HACE1: variants seen among roughly 807,000 people sequenced by gnomAD.
The protein encoded by HACE1 is E3 ubiquitin-protein ligase HACE1.
Under a neutral mutation model 118.4 loss-of-function variants are expected in HACE1, and 73 were observed. The observed-to-expected ratio is 0.62, with a 90% confidence interval of 0.51 to 0.75. HACE1 has a LOEUF of 0.75. Among genes scored for constraint, HACE1 ranks in the 30% least tolerant of loss-of-function variants. The pLI, the probability that HACE1 is intolerant of heterozygous loss-of-function variation, is 0.00. For synonymous variants in HACE1, 368 were observed against 374.8 expected, an observed-to-expected ratio of 0.98 and a Z score of 0.21; for missense variants, 749 against 1,102.2, an observed-to-expected ratio of 0.68 and a Z score of 4.54.
intron 4 of HACE1, 47 bp from the exon 5 acceptor site, chr6:104,843,345 T>C (rs1226034727): frequency 1.2e-6 from 1 of 851,800 alleles, no homozygotes; most frequent in East Asian, 2.4e-5. Flanking sequence ...AAAAAATATA[T>C]GCAAATGACA....
At chr6:104,807,762 T>C (rs564239554) in intron 7 of HACE1, among the ~76,000 whole-genome samples, 7 of 152,282 alleles carry the variant, frequency 4.6e-5, no homozygotes, top group Admixed American at 1.3e-4. Flanking sequence ...GTTAATTAGT[T>C]ATATAGTTTA....
Position 104,859,770 on chromosome 6 carries a change from G to T in HACE1, c.-128C>A. The T allele has an allele frequency of 1.2e-6, 1 of 850,266 alleles. No individual in the cohort carries two copies. The highest frequency in any genetic ancestry group is 1.7e-5 in the South Asian group (1 of 57,912). 52.7% of individuals were successfully genotyped at this position (850,266 alleles called of 1,614,324 possible). On this transcript the variant is annotated 5_prime_UTR_variant, in exon 1 of 24. Coordinates refer to ENST00000262903, the MANE Select transcript of HACE1 (RefSeq NM_020771.4). ...GCGGGCTTGCCCCGGCTAGAGCACT[G>T]AGCTGCGAGGGCTGCCTGGGGCCAC...
rs1582528950 is a variant in HACE1 at position 104,799,360 on chromosome 6, T to C, written c.618-2335A>G. ...TGACCAAATTAGGCAAACACACACA[T>C]AAGGGTAGTCAGTTGGGTGATTTCT... On this transcript the variant is annotated intron_variant, in intron 7 of 23. Transcript: ENST00000262903. Among the ~76,000 whole-genome samples, 5 of 152,274 alleles carry C rather than the reference T, an allele frequency of 3.3e-5. 1 individual carries two copies. In the Middle Eastern group the frequency reaches 0.014, roughly 414 times the overall value.
chr6:104,756,759 C>T (rs572010400), intron 19 of HACE1, among the ~76,000 whole-genome samples: 5 of 152,188 alleles, frequency 3.3e-5, no homozygotes, highest in Non-Finnish European at 5.9e-5. Context: ...ACCCGGGAAG[C>T]GCAAGGGGTC....
intron 17 of HACE1, among the ~76,000 whole-genome samples, chr6:104,775,904 T>C (rs1781183407): frequency 1.3e-5 from 2 of 152,154 alleles, no homozygotes; most frequent in Non-Finnish European, 2.9e-5. Flanking sequence ...GATAAAAGAA[T>C]GTAAACATTT....
intron 19 of HACE1, among the ~76,000 whole-genome samples, chr6:104,756,909 G>C (rs1466068168): frequency 6.6e-6 from 1 of 152,222 alleles, no homozygotes; most frequent in Non-Finnish European, 1.5e-5. Flanking sequence ...GCCTGGCTCA[G>C]AGGGTCGCAT....
chr6:104,818,707 A>G (rs766640002), intron 6 of HACE1, among the ~76,000 whole-genome samples: 1 of 152,184 alleles, frequency 6.6e-6, no homozygotes, highest in Non-Finnish European at 1.5e-5. Flanking sequence ...CTTCAACCTA[A>G]GGATGCAAGG....
chr6:104,852,195 CTGTCTG>C (rs538097088), intron 2 of HACE1, 116 bp downstream of exon 2: 9 of 553,988 alleles, frequency 1.6e-5, no homozygotes, highest in African/African-American at 8.4e-5. Context: ...TATGTCCAAA[CTGTCTG>C]TGTGTGTGTG....
chr6:104,854,175 C>A (rs1350119169), intron 1 of HACE1, among the ~76,000 whole-genome samples: 1 of 152,104 alleles, frequency 6.6e-6, no homozygotes, highest in Non-Finnish European at 1.5e-5. Flanking sequence ...CACAAAACAC[C>A]TGATCAGTCC....
chr6:104,859,848 C>T lies in HACE1; in HGVS notation c.-206G>A. The T allele has an allele frequency of 3.9e-6, 2 of 509,180 alleles. No individual in the cohort carries two copies. The highest frequency in any genetic ancestry group is 3.4e-6 in the Non-Finnish European group (1 of 291,632). 31.5% of individuals were successfully genotyped at this position (509,180 alleles called of 1,614,324 possible). A position where few individuals can be genotyped will look rare whatever the true frequency, so the allele number is the denominator to read the frequency against. On this transcript the variant is annotated 5_prime_UTR_variant, in exon 1 of 24. Coordinates refer to ENST00000262903, the MANE Select transcript of HACE1 (RefSeq NM_020771.4). ...CCGGACCGACCACCTACAGTACACCCGCCGCCGCCTCTGCTCGCGCCTTTC... is the reference window on the plus strand; with the variant it reads ...CCGGACCGACCACCTACAGTACACCTGCCGCCGCCTCTGCTCGCGCCTTTC...
chr6:104,834,439 C>G (rs986456755), intron 5 of HACE1, among the ~76,000 whole-genome samples: 2 of 152,110 alleles, frequency 1.3e-5, no homozygotes, highest in Admixed American at 6.5e-5. Flanking sequence ...GTCTACCACT[C>G]AAAGATAATC....
In HACE1 at chr6:104,729,291, T is replaced by C; in HGVS notation, c.*371A>G. The C allele has an allele frequency of 4.1e-6, 1 of 241,056 alleles. No individual in the cohort carries two copies. Among genetic ancestry groups the C allele is most frequent in the Non-Finnish European group, 8.2e-6 (1 of 121,854 alleles). 14.9% of individuals were successfully genotyped at this position (241,056 alleles called of 1,614,324 possible). On this transcript the variant is annotated 3_prime_UTR_variant, in exon 24 of 24. Transcript: ENST00000262903. Reference sequence around the variant, plus strand: ...ACACCAGCTGGATGACCTCATATAATATATCAGAAATTAGGAGAAAACACC... The same window carrying C: ...ACACCAGCTGGATGACCTCATATAACATATCAGAAATTAGGAGAAAACACC...
At chr6:104,846,033 G>C (rs1419490824) in intron 4 of HACE1, among the ~76,000 whole-genome samples, 1 of 152,198 alleles carries the variant, frequency 6.6e-6, no homozygotes, top group Non-Finnish European at 1.5e-5. Flanking sequence ...GTAGGAATGA[G>C]CCAGGGAAAT....
chr6:104,771,689 TAC>T (rs1222667972), intron 18 of HACE1, among the ~76,000 whole-genome samples: 2 of 55,714 alleles, frequency 3.6e-5, no homozygotes, highest in African/African-American at 1.4e-4. Flanking sequence ...AGCATAAAAA[TAC>T]ACACACAAAA....
At chr6:104,744,742 T>C (rs1176370259) in intron 20 of HACE1, 132 bp from the exon 21 acceptor site, 3 of 654,344 alleles carry the variant, frequency 4.6e-6, no homozygotes, top group South Asian at 1.7e-5. Context: ...AGTTCCTGCA[T>C]GTCATCAACA....
rs1245000572 is a variant in HACE1, at chr6:104,807,505, C to CTT, written c.617+3804_617+3805dup. On this transcript the variant is annotated intron_variant, in intron 7 of 23. Transcript: ENST00000262903. ...TCTATACAACTCTAACTAAACCTTG[C>CTT]TTTTCCTAATAGAATAAAAGTTATC... Among the ~76,000 whole-genome samples the CTT allele has an allele frequency of 7.2e-5, 11 of 152,276 alleles. No individual in the cohort carries two copies. The East Asian group carries it at 2.1e-3, about 29-fold the overall frequency.
chr6:104,795,223 A>T (rs1185282909), intron 10 of HACE1, among the ~76,000 whole-genome samples: 2 of 152,212 alleles, frequency 1.3e-5, no homozygotes, highest in African/African-American at 2.4e-5. Flanking sequence ...AAGGTTAAAC[A>T]GTAGCTTGTA....
intron 11 of HACE1, among the ~76,000 whole-genome samples, chr6:104,790,723 C>A (rs763427782): frequency 6.6e-6 from 1 of 152,102 alleles, no homozygotes; most frequent in Non-Finnish European, 1.5e-5. Context: ...CCACTGCATT[C>A]CAGCCTAGGC....
At chr6:104,852,399 T>G (rs1408832623) in intron 1 of HACE1, 28 bp from the exon 2 acceptor site, 1 of 1,321,160 alleles carries the variant, frequency 7.6e-7, no homozygotes, top group Admixed American at 1.7e-5. Context: ...AAGAGTTCAT[T>G]TATCCCCTAC....
Sources: gnomAD v4.1 joint callset for allele counts (sites outside exome capture counted in the v4.1 genomes callset) on GRCh38, gnomAD v4.1.1 for gene constraint, MANE v1.5 for transcripts, NCBI Gene and HGNC (gene_info 2026-07-23, HGNC 2026-07-21) for gene names.